The following PRKN variants were observed in gnomAD, a reference collection of about 807,000 sequenced individuals.
PRKN encodes the protein parkin RBR E3 ubiquitin protein ligase.
A neutral mutation model predicts 59.5 loss-of-function variants in PRKN; 56 were observed. The ratio of observed to expected loss-of-function variants is 0.94; its 90% CI spans 0.76 to 1.18. The LOEUF is 1.18. Ranked by LOEUF, PRKN falls within the 50% of genes most tolerant of loss-of-function variation. The probability of loss-of-function intolerance (pLI) is 0.00; values close to 1 mark genes in which losing one functional copy is unlikely to be tolerated. For missense variants in PRKN, 657 were observed against 596.4 expected (o/e 1.10, Z -1.06); for synonymous variants, 250 against 222.1 (o/e 1.13, Z -1.12).
Position 161,429,178 on chromosome 6 carries a change from A to T in PRKN, c.1084-42301T>A, listed in dbSNP as rs2115047314. Among the ~76,000 whole-genome samples, 1 of 152,324 alleles carries T rather than the reference A, an allele frequency of 6.6e-6. No individual in the cohort carries two copies. The highest frequency in any genetic ancestry group is 2.1e-4 in the South Asian group (1 of 4,826). On this transcript the variant is annotated intron_variant, in intron 9 of 11. Transcript: ENST00000366898. This position sits in a 1 kb window ranked among gnomAD's most constrained non-coding sequence, Gnocchi z 4.2. Reference sequence around the variant, plus strand: ...CCTATATCACACTTCATATGATGTAAGATACAATTTATATATTCTTGCTCA... The same window carrying T: ...CCTATATCACACTTCATATGATGTATGATACAATTTATATATTCTTGCTCA...
chr6:162,245,709 T>C lies in PRKN; in HGVS notation c.412+16816A>G, dbSNP rs574310892. Among the ~76,000 whole-genome samples, 5 of 152,254 alleles carry C rather than the reference T, an allele frequency of 3.3e-5. No individual in the cohort carries two copies. In the East Asian group the frequency reaches 9.7e-4, roughly 29 times the overall value. The stretch of plus-strand genomic sequence containing the variant: ...CCGGGGTTCTCCACTTTTTCCCCTT[T>C]TTCTTTTCTGAATTTGTGTGTTTGG... On this transcript the variant is annotated intron_variant, in intron 3 of 11. Transcript: ENST00000366898.
intron 1 of PRKN, among the ~76,000 whole-genome samples, chr6:162,459,655 A>G (rs1791063383): frequency 6.6e-6 from 1 of 152,212 alleles, no homozygotes; most frequent in Admixed American, 6.5e-5. Context: ...AATACTGTTC[A>G]CATGTATCTT....
At chr6:161,912,690 T>C (rs1778409244) in intron 6 of PRKN, among the ~76,000 whole-genome samples, 1 of 151,818 alleles carries the variant, frequency 6.6e-6, no homozygotes, top group African/African-American at 2.4e-5. Flanking sequence ...ACAGCCCCAG[T>C]CAAGCCATTC....
chr6:162,472,879 T>C (rs1188457544), intron 1 of PRKN, among the ~76,000 whole-genome samples: 3 of 150,758 alleles, frequency 2.0e-5, no homozygotes, highest in Non-Finnish European at 4.4e-5. Flanking sequence ...TTCAACATAC[T>C]GGAAATGTGT....
intron 6 of PRKN, among the ~76,000 whole-genome samples, chr6:161,823,891 C>T (rs1226431580): frequency 6.6e-6 from 1 of 152,160 alleles, no homozygotes; most frequent in Non-Finnish European, 1.5e-5. Context: ...AAGATATTTT[C>T]ACAGCTGTTG....
chr6:162,537,438 G>A (rs568674730), intron 1 of PRKN, among the ~76,000 whole-genome samples: 4 of 152,048 alleles, frequency 2.6e-5, no homozygotes, highest in Admixed American at 6.6e-5. Context: ...TTTCTTCCTC[G>A]TGTTCCCTGT....
intron 1 of PRKN, among the ~76,000 whole-genome samples, chr6:162,616,144 C>T (rs1177416755): frequency 6.6e-6 from 1 of 152,080 alleles, no homozygotes; most frequent in African/African-American, 2.4e-5. Context: ...AATAGGGTTT[C>T]CCTCTTTTAT....
intron 6 of PRKN, among the ~76,000 whole-genome samples, chr6:161,881,537 C>T (rs966027941): frequency 2.1e-4 from 32 of 152,132 alleles, no homozygotes; most frequent in African/African-American, 7.7e-4. Flanking sequence ...CTCCTGCACT[C>T]GGTAAGGGGC....
At chr6:162,609,195 G>C (rs1315027374) in intron 1 of PRKN, among the ~76,000 whole-genome samples, 1 of 152,128 alleles carries the variant, frequency 6.6e-6, no homozygotes, top group East Asian at 1.9e-4. Context: ...CCTTCTCAGG[G>C]TCATGCATTT....
intron 6 of PRKN, among the ~76,000 whole-genome samples, chr6:161,947,957 A>G (rs1779842889): frequency 6.6e-6 from 1 of 152,068 alleles, no homozygotes; most frequent in East Asian, 1.9e-4. Context: ...CTTATTATGT[A>G]TCTTGAGATG....
chr6:161,857,223 C>G (rs551083405), intron 6 of PRKN, among the ~76,000 whole-genome samples: 1 of 152,016 alleles, frequency 6.6e-6, no homozygotes, highest in Non-Finnish European at 1.5e-5. Flanking sequence ...AGTGAGACTC[C>G]GCCTCAAAAA....
intron 6 of PRKN, among the ~76,000 whole-genome samples, chr6:161,944,041 G>GGAA (rs1779683282): frequency 6.9e-6 from 1 of 144,560 alleles, no homozygotes; most frequent in African/African-American, 2.5e-5. Flanking sequence ...ATCAGCCTGA[G>GGAA]GGACCAGCCT....
chr6:161,689,424 C>G (rs568451937), intron 7 of PRKN, among the ~76,000 whole-genome samples: 1 of 152,270 alleles, frequency 6.6e-6, no homozygotes, highest in South Asian at 2.1e-4. Flanking sequence ...TATAATCATT[C>G]TGAAGGAAAA....
At chr6:161,887,517 C>A (rs896491696) in intron 6 of PRKN, among the ~76,000 whole-genome samples, 4 of 152,166 alleles carry the variant, frequency 2.6e-5, no homozygotes, top group Admixed American at 1.3e-4. Flanking sequence ...AAGAGTTACT[C>A]ATTTTTCCTT....
In PRKN at chr6:162,637,283, C is replaced by A. The variant is rs1316145797; in HGVS notation, c.7+90379G>T. On this transcript the variant is annotated intron_variant, in intron 1 of 11. Coordinates refer to ENST00000366898, the MANE Select transcript of PRKN (RefSeq NM_004562.3). ...CACCTCCTCCCACCCGCCCCCCCCC[C>A]CAAAAAAAAGCAGCAGCAAAATAAA... Among the ~76,000 whole-genome samples, 15 of 136,374 alleles carry A rather than the reference C, an allele frequency of 1.1e-4. 1 individual carries two copies. The highest frequency in any genetic ancestry group is 3.5e-4 in the African/African-American group (13 of 36,700). 89.5% of individuals were successfully genotyped at this position (136,374 alleles called of 152,430 possible).
At chr6:162,647,727 C>G (rs1402112681) in intron 1 of PRKN, among the ~76,000 whole-genome samples, 4 of 151,872 alleles carry the variant, frequency 2.6e-5, no homozygotes, top group African/African-American at 4.8e-5. Context: ...TAATTCCTGC[C>G]ACTCACCAAG....
rs1790010735 is a variant in PRKN at position 161,777,814 on chromosome 6, ATGTGTATATATGTATATG to A, written c.871+7940_871+7957del. Among the ~76,000 whole-genome samples, 2 of 143,706 alleles carry A rather than the reference ATGTGTATATATGTATATG, an allele frequency of 1.4e-5. 1 individual carries two copies. The highest frequency in any genetic ancestry group is 5.2e-5 in the African/African-American group (2 of 38,178). The allele number at this position is 143,706 out of a possible 152,430, so 94.3% of individuals were successfully genotyped here. A position where few individuals can be genotyped will look rare whatever the true frequency, so the allele number is the denominator to read the frequency against. The stretch of plus-strand genomic sequence containing the variant: ...ATATGATATATGTATATATGTATAT[ATGTGTATATATGTATATG>A]TATACGTATATATGTATATATGTGT... On this transcript the variant is annotated intron_variant, in intron 7 of 11. Transcript: ENST00000366898.
At chr6:162,222,637 T>A (rs1448502610) in intron 3 of PRKN, among the ~76,000 whole-genome samples, 1 of 152,108 alleles carries the variant, frequency 6.6e-6, no homozygotes. Context: ...TCCATCCTTG[T>A]GAGACCCTGA....
rs1780481152 is a variant in PRKN at position 161,562,186 on chromosome 6, T to C, written c.933+7169A>G. ...TTCCCCAACACCATAAATCAGCATTTCTCCTCTGGAAGGCCTGCCTTCTCG... is the reference window on the plus strand; with the variant it reads ...TTCCCCAACACCATAAATCAGCATTCCTCCTCTGGAAGGCCTGCCTTCTCG... On this transcript the variant is annotated intron_variant, in intron 8 of 11. Transcript: ENST00000366898. The surrounding 1 kb of genome is among the most constrained non-coding windows in gnomAD (Gnocchi z 4.3). Among the ~76,000 whole-genome samples the C allele has an allele frequency of 6.8e-6, 1 of 147,504 alleles. No homozygotes were observed. Among genetic ancestry groups the C allele is most frequent in the African/African-American group, 2.5e-5 (1 of 39,510 alleles).
Sources: gnomAD v4.1 joint callset for allele counts (sites outside exome capture counted in the v4.1 genomes callset) on GRCh38, gnomAD v4.1.1 for gene constraint, Gnocchi (gnomAD v3.1) non-coding constraint, MANE v1.5 for transcripts, NCBI Gene and HGNC (gene_info 2026-07-23, HGNC 2026-07-21) for gene names.